Variants in ITSN1 observed in about 807,000 individuals in gnomAD.
ITSN1 encodes intersectin 1, also known as intersectin-1.
In ITSN1, 58 loss-of-function variants were observed where a neutral mutation model predicts 239.8. The ratio of observed to expected loss-of-function variants is 0.24; its 90% CI spans 0.20 to 0.30. ITSN1 has a LOEUF of 0.30. Among genes scored for constraint, ITSN1 ranks in the 10% least tolerant of loss-of-function variants. ITSN1 has a pLI of 1.00. For missense variants in ITSN1, 1,558 were observed against 2,103.3 expected, an observed-to-expected ratio of 0.74 and a Z score of 5.07; for synonymous variants, 780 against 770.8, an observed-to-expected ratio of 1.01 and a Z score of -0.20.
chr21:33,880,316 C>G (rs571920905), intron 34 of ITSN1, among the ~76,000 whole-genome samples: 1 of 152,168 alleles, frequency 6.6e-6, no homozygotes, highest in East Asian at 1.9e-4. Flanking sequence ...TATGAATGAA[C>G]GAGAGCACCT....
chr21:33,643,191 G>A (rs530565026), intron 1 of ITSN1, among the ~76,000 whole-genome samples: 14 of 151,874 alleles, frequency 9.2e-5, no homozygotes, highest in Admixed American at 2.6e-4. Context: ...CTGGAGCCCC[G>A]GCTCCTTCCT....
chr21:33,799,686 G>A, intron 18 of ITSN1, 122 bp from the exon 19 acceptor site: 1 of 1,068,314 alleles, frequency 9.4e-7, no homozygotes, highest in Non-Finnish European at 1.3e-6. Flanking sequence ...CTTGAATGGA[G>A]GGAAATAGTT....
chr21:33,714,447 G>A (rs2092510211), intron 1 of ITSN1, among the ~76,000 whole-genome samples: 1 of 152,140 alleles, frequency 6.6e-6, no homozygotes, highest in Admixed American at 6.5e-5. Context: ...ATTCACCTAG[G>A]GTGAGAATTA....
intron 20 of ITSN1, among the ~76,000 whole-genome samples, chr21:33,810,668 C>G (rs542206381): frequency 5.7e-4 from 87 of 152,208 alleles, no homozygotes; most frequent in African/African-American, 2.0e-3. Flanking sequence ...AGTCACTTCC[C>G]AAATCAAAAT....
At chr21:33,796,592 G>A (rs2071579272) in intron 17 of ITSN1, among the ~76,000 whole-genome samples, 1 of 152,174 alleles carries the variant, frequency 6.6e-6, no homozygotes. Context: ...GGCTGCCTGG[G>A]ATTGAAGCCC....
At chr21:33,761,897 A>G (rs373022790) in intron 8 of ITSN1, 26 bp from the exon 9 acceptor site, 11 of 1,584,750 alleles carry the variant, frequency 6.9e-6, no homozygotes, top group Non-Finnish European at 8.7e-6. Flanking sequence ...ACTCATCTGT[A>G]TGTCCTTTTC....
chr21:33,644,102 G>C (rs1187571430), intron 1 of ITSN1, among the ~76,000 whole-genome samples: 1 of 152,190 alleles, frequency 6.6e-6, no homozygotes. Flanking sequence ...TGACTTTAAG[G>C]TTGAGAGTGC....
At chr21:33,834,195 T>A (rs754345374) in intron 27 of ITSN1, 112 bp from the exon 28 acceptor site, 84 of 730,008 alleles carry the variant, frequency 1.2e-4, no homozygotes, top group Middle Eastern at 4.0e-4. Flanking sequence ...ACCGTTAATG[T>A]CATTTGTTTT....
intron 1 of ITSN1, among the ~76,000 whole-genome samples, chr21:33,682,896 T>C (rs1184507100): frequency 6.6e-6 from 1 of 152,190 alleles, no homozygotes; most frequent in African/African-American, 2.4e-5. Context: ...TAGTAGTATC[T>C]ATTGCTTTAT....
chr21:33,831,154 C>G (rs942965288), intron 27 of ITSN1, among the ~76,000 whole-genome samples: 2 of 152,206 alleles, frequency 1.3e-5, no homozygotes, highest in African/African-American at 4.8e-5. Flanking sequence ...CTCCCCCATC[C>G]AAAGTGAAGA....
intron 1 of ITSN1, among the ~76,000 whole-genome samples, chr21:33,700,316 C>T (rs2091954557): frequency 6.6e-6 from 1 of 152,284 alleles, no homozygotes; most frequent in South Asian, 2.1e-4. Flanking sequence ...AACTCCTAAC[C>T]TCAGGTGATC....
intron 29 of ITSN1, among the ~76,000 whole-genome samples, chr21:33,851,035 C>A (rs1978295869): frequency 6.6e-6 from 1 of 152,162 alleles, no homozygotes; most frequent in Non-Finnish European, 1.5e-5. Flanking sequence ...AAGGTAGATC[C>A]TTTCCCTTAA....
intron 16 of ITSN1, among the ~76,000 whole-genome samples, chr21:33,793,418 A>G (rs1488767394): frequency 6.6e-6 from 1 of 152,204 alleles, no homozygotes; most frequent in East Asian, 1.9e-4. Flanking sequence ...TCTACTGGGC[A>G]CTTTGACTCA....
intron 33 of ITSN1, among the ~76,000 whole-genome samples, chr21:33,872,693 G>T (rs570915970): frequency 6.6e-6 from 1 of 152,036 alleles, no homozygotes; most frequent in Non-Finnish European, 1.5e-5. Context: ...AATCACGCCC[G>T]GCTAATTTTT....
At chr21:33,849,401 A>G (rs533929355) in intron 29 of ITSN1, among the ~76,000 whole-genome samples, 1 of 152,080 alleles carries the variant, frequency 6.6e-6, no homozygotes, top group East Asian at 1.9e-4. Context: ...CCCTGTCTCT[A>G]TTAAAAATAG....
At chr21:33,800,415 A>C (rs182386533) in intron 19 of ITSN1, among the ~76,000 whole-genome samples, 24 of 152,268 alleles carry the variant, frequency 1.6e-4, no homozygotes, top group Admixed American at 1.3e-3. Context: ...GTCTTTAAGA[A>C]ATAGTTATAA....
At chr21:33,883,366 C>A (rs1985244792) in intron 35 of ITSN1, among the ~76,000 whole-genome samples, 184 bp from the exon 36 acceptor site, 1 of 152,202 alleles carries the variant, frequency 6.6e-6, no homozygotes. Flanking sequence ...CTGGAACACA[C>A]CCAGAAACAC....
At chr21:33,763,318 G>GCGT in intron 9 of ITSN1, among the ~76,000 whole-genome samples, 1 of 150,712 alleles carries the variant, frequency 6.6e-6, no homozygotes, top group South Asian at 2.1e-4. Context: ...TTTGAAGAGT[G>GCGT]CGTCACTGTG....
intron 16 of ITSN1, among the ~76,000 whole-genome samples, chr21:33,787,623 A>C (rs920370984): frequency 1.3e-5 from 2 of 152,214 alleles, no homozygotes; most frequent in African/African-American, 4.8e-5. Context: ...GTGAAAGGCA[A>C]AATGTTTAGC....
Sources: allele counts gnomAD v4.1 joint callset (sites outside exome capture counted in the v4.1 genomes callset), GRCh38; gene constraint gnomAD v4.1.1; transcripts MANE v1.5; gene names NCBI Gene and HGNC (gene_info 2026-07-23, HGNC 2026-07-21).